PAQR5: variants seen among roughly 807,000 people sequenced by gnomAD.
PAQR5 encodes progestin and adipoQ receptor family member 5.
A neutral mutation model predicts 34.5 loss-of-function variants in PAQR5; 20 were observed. The ratio of observed to expected loss-of-function variants is 0.58; its 90% CI spans 0.41 to 0.84. PAQR5 has a LOEUF of 0.84. Ranked by LOEUF, PAQR5 falls within the 40% of genes least tolerant of loss-of-function variation. PAQR5 has a pLI of 0.00. For synonymous variants in PAQR5, 131 were observed against 155.6 expected, an observed-to-expected ratio of 0.84 and a Z score of 1.18; for missense variants, 378 against 412.7, an observed-to-expected ratio of 0.92 and a Z score of 0.73.
chr15:69,300,958 T>G (rs200503422), intron 1 of PAQR5, among the ~76,000 whole-genome samples: 1 of 42,708 alleles, frequency 2.3e-5, no homozygotes, highest in African/African-American at 7.8e-5. Flanking sequence ...CTTCTTTCTT[T>G]CTTTCTTTCT....
At chr15:69,391,917 T>C (rs2056285086) in intron 6 of PAQR5, 1 of 388,218 alleles carries the variant, frequency 2.6e-6, no homozygotes, top group East Asian at 7.5e-5. Flanking sequence ...GTTAGCTGGG[T>C]GTGGTGGCAG....
At chr15:69,369,849 G>A (rs922998901) in intron 3 of PAQR5, among the ~76,000 whole-genome samples, 1 of 151,620 alleles carries the variant, frequency 6.6e-6, no homozygotes, top group Admixed American at 6.6e-5. Context: ...TATTGGCAAA[G>A]TCTCGTATTA....
In PAQR5 at chr15:69,405,083, T is replaced by C. The variant is rs528333763; in HGVS notation, c.*1261T>C. On this transcript the variant is annotated 3_prime_UTR_variant, in exon 9 of 9. Transcript: ENST00000395407. Reference sequence around the variant, plus strand: ...ATGTTCCAGCGTTTTCTACTCTGAATAGTTCTAAAACACTGAGCATTTTCT... The same window carrying C: ...ATGTTCCAGCGTTTTCTACTCTGAACAGTTCTAAAACACTGAGCATTTTCT... 5.0e-6 allele frequency: 2 copies of C among 398,532 alleles called. No homozygotes were observed. The highest frequency in any genetic ancestry group is 4.1e-5 in the African/African-American group (2 of 48,776). The allele number at this position is 398,532 out of a possible 1,614,324, so 24.7% of individuals were successfully genotyped here. A position where few individuals can be genotyped will look rare whatever the true frequency, so the allele number is the denominator to read the frequency against.
At chr15:69,372,704 T>C (rs2055596910) in intron 3 of PAQR5, among the ~76,000 whole-genome samples, 1 of 152,212 alleles carries the variant, frequency 6.6e-6, no homozygotes, top group Non-Finnish European at 1.5e-5. Flanking sequence ...AAAGTTCTAG[T>C]AATTGCATGT....
intron 4 of PAQR5, among the ~76,000 whole-genome samples, chr15:69,383,608 T>C (rs1490938542): frequency 1.4e-4 from 15 of 107,122 alleles, no homozygotes; most frequent in African/African-American, 4.2e-4. Flanking sequence ...GAGTGGGCCT[T>C]TGTGTTCATG....
At chr15:69,350,197 G>A (rs994971923) in intron 2 of PAQR5, among the ~76,000 whole-genome samples, 2 of 152,238 alleles carry the variant, frequency 1.3e-5, no homozygotes, top group Admixed American at 1.3e-4. Flanking sequence ...ATGGTTGTGG[G>A]CAGCAGAGGC....
intron 2 of PAQR5, among the ~76,000 whole-genome samples, chr15:69,347,220 A>T (rs2054797595): frequency 1.3e-5 from 2 of 152,198 alleles, no homozygotes; most frequent in African/African-American, 4.8e-5. Context: ...TGGCAAGAAA[A>T]CATGACACAA....
rs1566995774 is a variant in PAQR5, at chr15:69,319,170, TATATATATATATATA to T, written c.-276-18170_-276-18156del. 9.5e-3 allele frequency among the ~76,000 whole-genome samples: 1,290 copies of T among 135,144 alleles called. 29 individuals are homozygous for T. The highest frequency in any genetic ancestry group is 0.022 in the African/African-American group (753 of 33,670). 88.7% of individuals were successfully genotyped at this position (135,144 alleles called of 152,430 possible). A position where few individuals can be genotyped will look rare whatever the true frequency, so the allele number is the denominator to read the frequency against. On this transcript the variant is annotated intron_variant, in intron 1 of 8. Transcript: ENST00000395407. Reference sequence around the variant, plus strand: ...ATATAAATATATACATATATATATATATATATATATATATATATATATATATATATATATATATAT... The same window carrying T: ...ATATAAATATATACATATATATATATTATATATATATATATATATATATAT...
At chr15:69,372,718 T>TTG (rs1432532940) in intron 3 of PAQR5, among the ~76,000 whole-genome samples, 1 of 152,210 alleles carries the variant, frequency 6.6e-6, no homozygotes, top group African/African-American at 2.4e-5. Context: ...TGCATGTGTG[T>TTG]TGTGTGTAAG....
chr15:69,371,417 A>T (rs1389530253), intron 3 of PAQR5, among the ~76,000 whole-genome samples: 1 of 152,324 alleles, frequency 6.6e-6, no homozygotes, highest in Admixed American at 6.5e-5. Flanking sequence ...TTTTAATTCC[A>T]TATAGATTAC....
intron 1 of PAQR5, chr15:69,314,304 T>C (rs1010719342): frequency 4.6e-5 from 7 of 152,284 alleles, no homozygotes; most frequent in African/African-American, 1.7e-4. Context: ...CCAGCTGCCC[T>C]TCTCCCTCCT....
chr15:69,396,746 C>G (rs993498253), intron 6 of PAQR5, among the ~76,000 whole-genome samples: 1 of 152,158 alleles, frequency 6.6e-6, no homozygotes, highest in African/African-American at 2.4e-5. Flanking sequence ...ATACCCTGAG[C>G]TGCTGCCCCA....
intron 2 of PAQR5, among the ~76,000 whole-genome samples, chr15:69,346,419 C>T (rs2054773884): frequency 6.6e-6 from 1 of 151,088 alleles, no homozygotes; most frequent in African/African-American, 2.4e-5. Context: ...CATTCTCCCG[C>T]CTTAGCCTCC....
At chr15:69,380,295 C>T in intron 4 of PAQR5, 1 of 322,996 alleles carries the variant, frequency 3.1e-6, no homozygotes, top group Non-Finnish European at 5.7e-6. Context: ...ATAGCATTTA[C>T]CTTCATCTCC....
intron 1 of PAQR5, among the ~76,000 whole-genome samples, chr15:69,330,677 C>A (rs150573492): frequency 2.0e-5 from 3 of 152,268 alleles, no homozygotes; most frequent in African/African-American, 4.8e-5. Context: ...TGGTTACCCA[C>A]CCCCCAACCA....
intron 3 of PAQR5, among the ~76,000 whole-genome samples, chr15:69,373,861 C>T (rs1346763984): frequency 6.6e-6 from 1 of 152,102 alleles, no homozygotes; most frequent in African/African-American, 2.4e-5. Flanking sequence ...ACCTCAGTCT[C>T]CTAAAGTGCT....
At chr15:69,307,056 T>C (rs1010908898) in intron 1 of PAQR5, among the ~76,000 whole-genome samples, 7 of 152,040 alleles carry the variant, frequency 4.6e-5, no homozygotes, top group African/African-American at 1.7e-4. Context: ...AGAATTTCCT[T>C]CTTTTTTAAG....
chr15:69,377,523 C>T (rs2055739927), intron 3 of PAQR5, among the ~76,000 whole-genome samples: 1 of 152,236 alleles, frequency 6.6e-6, no homozygotes, highest in Admixed American at 6.5e-5. Flanking sequence ...CACAGTATTT[C>T]TTCACTAGAC....
chr15:69,321,280 A>C (rs12907455), intron 1 of PAQR5, among the ~76,000 whole-genome samples: 7,574 of 152,332 alleles, frequency 0.05, 394 homozygotes, highest in East Asian at 0.15. Flanking sequence ...TTATTCTCTC[A>C]TTTTCAAAGC....
Sources: allele counts gnomAD v4.1 joint callset (sites outside exome capture counted in the v4.1 genomes callset), GRCh38; gene constraint gnomAD v4.1.1; transcripts MANE v1.5; gene names NCBI Gene and HGNC (gene_info 2026-07-23, HGNC 2026-07-21).